The following GAS2L2 variants were observed in gnomAD, a reference collection of about 807,000 sequenced individuals.
GAS2L2 encodes GAS2-like protein 2.
In GAS2L2, 21 loss-of-function variants were observed where a neutral mutation model predicts 35.2. The observed-to-expected ratio is 0.60, with a 90% confidence interval of 0.42 to 0.86. The LOEUF is 0.86. Ranked by LOEUF, GAS2L2 falls within the 40% of genes least tolerant of loss-of-function variation. The pLI is 0.00. For synonymous variants in GAS2L2, 490 were observed against 473.2 expected (o/e 1.04, Z -0.46); for missense variants, 1,169 against 1,144.4 (o/e 1.02, Z -0.31).
Position 35,744,817 on chromosome 17 carries a change from C to CT in GAS2L2, c.*36dup, listed in dbSNP as rs1334963446. The CT allele has an allele frequency of 1.9e-5, 28 of 1,474,440 alleles. No individual in the cohort carries two copies. The highest frequency in any genetic ancestry group is 2.5e-5 in the Non-Finnish European group (27 of 1,086,194). 91.3% of individuals were successfully genotyped at this position (1,474,440 alleles called of 1,614,324 possible). ...TGAATCCAGTGTATACATGGCCATC[C>CT]TTTTTGCTTCCCTCCTACCCAACAC... On this transcript the variant is annotated 3_prime_UTR_variant, in exon 6 of 6. Transcript: ENST00000604641.
chr17:35,746,869 G>T, intron 5 of GAS2L2, 147 bp downstream of exon 5: 1 of 734,648 alleles, frequency 1.4e-6, no homozygotes, highest in Non-Finnish European at 2.2e-6. Context: ...TATCCCAAAG[G>T]TACTGGGTAT....
chr17:35,750,331 C>A lies in GAS2L2; in HGVS notation c.386-13G>T. On this transcript the variant is annotated splice_polypyrimidine_tract_variant and intron_variant, in intron 1 of 5. Transcript: ENST00000604641. ...AACATCAGCACCTCTGGAGTGGAGG[C>A]GGGGAGAAAAGGGCAGAGGCAGCGT... 6.2e-7 allele frequency: 1 copy of A among 1,613,766 alleles called. No individual in the cohort carries two copies. Among genetic ancestry groups the A allele is most frequent in the East Asian group, 2.2e-5 (1 of 44,848 alleles).
At position 35,749,839 on chromosome 17, in the gene GAS2L2, C is replaced by T. The variant is rs994789437; in HGVS notation, c.627+238G>A. Among the ~76,000 whole-genome samples the T allele has an allele frequency of 2.0e-5, 3 of 152,296 alleles. No individual in the cohort carries two copies. In the South Asian group the frequency reaches 6.2e-4, roughly 32 times the overall value. On this transcript the variant is annotated intron_variant, in intron 2 of 5. Transcript: ENST00000604641. ...CCCAGCAGGGGTTAAATGAGAGGGG[C>T]ATCCAGTGCTGGGTTGGTAAGAACG... is the stretch of plus-strand genomic sequence containing the variant.
intron 2 of GAS2L2, 109 bp from the exon 3 acceptor site, chr17:35,749,326 G>A: frequency 1.5e-6 from 1 of 654,190 alleles, no homozygotes; most frequent in Admixed American, 2.8e-5. Context: ...GGTCAGAGCT[G>A]GGGAATGAGA....
At chr17:35,750,595 G>T (rs1555599668) in intron 1 of GAS2L2, among the ~76,000 whole-genome samples, 1 of 152,198 alleles carries the variant, frequency 6.6e-6, no homozygotes, top group Non-Finnish European at 1.5e-5. Context: ...AAGGGACCTG[G>T]AGACTGGCTG....
At chr17:35,746,944 T>C (rs192263451) in intron 5 of GAS2L2, 72 bp downstream of exon 5, 389 of 1,440,272 alleles carry the variant, frequency 2.7e-4, no homozygotes, top group Admixed American at 1.3e-3. Flanking sequence ...TCCTTTTATC[T>C]TGGAGTGTGG....
Position 35,747,162 on chromosome 17 carries a change from G to C in GAS2L2, c.939C>G (p.Arg313=). 2 of 1,614,068 alleles carry C rather than the reference G, an allele frequency of 1.2e-6. No individual in the cohort carries two copies. Among genetic ancestry groups the C allele is most frequent in the African/African-American group, 2.7e-5 (2 of 75,060 alleles). Residue 313 remains arginine (R), a synonymous_variant, in exon 5 of 6, where the codon CGC becomes CGG. Coordinates refer to ENST00000604641, the MANE Select transcript of GAS2L2 (RefSeq NM_139285.4). The part of the protein sequence containing the change: ...SQTQPTMTIS[R]SQSPPPPVDW... ...CCACAGGGGGTGGTGGGCTCTGTGA[G>C]CGGCTGATGGTCATTGTAGGCTGGG...
At chr17:35,747,291 A>G (rs1400646099) in intron 4 of GAS2L2, 23 bp from the exon 5 acceptor site, 1 of 1,589,516 alleles carries the variant, frequency 6.3e-7, no homozygotes. Flanking sequence ...CCCCGGAGAA[A>G]GGAGAGGAGA....
rs781903482 is a variant in GAS2L2, at chr17:35,745,881, C to T, written c.1616G>A (p.Arg539Lys). The change falls in exon 6 of 6, where the codon AGG (arginine) becomes AAG (lysine). Residue 539 changes from arginine to lysine, a missense_variant. Arg to Lys is a conservative substitution (Grantham distance 26). Transcript: ENST00000604641. ...TELGRDPIPL[R>K]AVTVDLAGST... ...CCCAGCCAGGTCCACAGTGACGGCC[C>T]TTAGTGGGATGGGGTCTCTCCCAAG... 27 of 1,613,516 alleles carry T rather than the reference C, an allele frequency of 1.7e-5. No individual in the cohort carries two copies. In the Admixed American group the frequency reaches 4.3e-4, roughly 26 times the overall value.
chr17:35,750,857 C>A (rs78010526), intron 1 of GAS2L2, among the ~76,000 whole-genome samples: 3,237 of 152,264 alleles, frequency 0.021, 72 homozygotes, highest in East Asian at 0.12. Flanking sequence ...TTGAGCTAGA[C>A]CCTGAGCCTC....
At chr17:35,750,565 G>C (rs1555599664) in intron 1 of GAS2L2, among the ~76,000 whole-genome samples, 1 of 152,206 alleles carries the variant, frequency 6.6e-6, no homozygotes, top group Non-Finnish European at 1.5e-5. Context: ...CTGCGGGTGA[G>C]AAGAGGTGAC....
chr17:35,748,404 A>G (rs980102530), intron 3 of GAS2L2, among the ~76,000 whole-genome samples: 4 of 152,180 alleles, frequency 2.6e-5, no homozygotes, highest in African/African-American at 4.8e-5. Flanking sequence ...TCTTGCCCCT[A>G]TCTGCATCAC....
chr17:35,751,244 C>T (rs1374649266), intron 1 of GAS2L2, among the ~76,000 whole-genome samples: 1 of 152,170 alleles, frequency 6.6e-6, no homozygotes, highest in African/African-American at 2.4e-5. Context: ...ATGTTCTCTC[C>T]TCATCCTAGC....
intron 1 of GAS2L2, among the ~76,000 whole-genome samples, chr17:35,750,957 T>C (rs782750218): frequency 6.6e-6 from 1 of 152,020 alleles, no homozygotes; most frequent in Non-Finnish European, 1.5e-5. Context: ...CCATTCACAA[T>C]GTCCGGCACA....
At position 35,745,348 on chromosome 17, in the gene GAS2L2, T is replaced by C; in HGVS notation, c.2149A>G (p.Arg717Gly). The change falls in exon 6 of 6, where the codon AGG (arginine) becomes GGG (glycine). Residue 717 changes from arginine to glycine, a missense_variant. Around this residue, in one of 3 missense-constraint regions of GAS2L2, gnomAD observed 1,035 missense variants for 976.5 expected, o/e 1.06. Coordinates refer to ENST00000604641, the MANE Select transcript of GAS2L2 (RefSeq NM_139285.4). ...TGCCCTCCCTGAGGTGGGACCTTCC[T>C]CATGTGGGTGCCCTTGGCACTCAGG... ...ASLSAKGTHM[R>G]KVPPQGGQDC... 6.2e-7 allele frequency: 1 copy of C among 1,605,530 alleles called. No individual in the cohort carries two copies. Among genetic ancestry groups the C allele is most frequent in the Non-Finnish European group, 8.5e-7 (1 of 1,175,052 alleles).
Position 35,745,368 on chromosome 17 carries a change from C to T in GAS2L2, c.2129G>A (p.Ser710Asn). 6.3e-7 allele frequency: 1 copy of T among 1,595,664 alleles called. No individual in the cohort carries two copies. The highest frequency in any genetic ancestry group is 8.5e-7 in the Non-Finnish European group (1 of 1,169,918). The stretch of plus-strand genomic sequence containing the variant: ...CTTCCTCATGTGGGTGCCCTTGGCA[C>T]TCAGGCTTGCCTTTGTCCTGGGCCC... ...QSGPRTKASL[S>N]AKGTHMRKVP... Residue 710 changes from serine to asparagine, a missense_variant, in exon 6 of 6, where the codon AGT (serine) becomes AAT (asparagine). Ser to Asn is a conservative substitution (Grantham distance 46). Around this residue, in one of 3 missense-constraint regions of GAS2L2, gnomAD observed 1,035 missense variants for 976.5 expected, o/e 1.06. Coordinates refer to ENST00000604641, the MANE Select transcript of GAS2L2 (RefSeq NM_139285.4).
Position 35,752,760 on chromosome 17 carries a change from G to A in GAS2L2, c.91C>T (p.Leu31=), listed in dbSNP as rs2085711973. ...IRPFKSSEQY[L]EAMKEDLAEW... ...GCCAGGTCTTCCTTCATGGCCTCCAGGTACTGCTCACTCGACTTGAAAGGC... is the reference window on the plus strand; with the variant it reads ...GCCAGGTCTTCCTTCATGGCCTCCAAGTACTGCTCACTCGACTTGAAAGGC... The change falls in exon 1 of 6, where the codon CTG becomes TTG. Residue 31 remains leucine, a synonymous_variant. Coordinates refer to ENST00000604641, the MANE Select transcript of GAS2L2 (RefSeq NM_139285.4). 4.3e-6 allele frequency: 7 copies of A among 1,613,912 alleles called. No individual in the cohort carries two copies. Among genetic ancestry groups the A allele is most frequent in the Non-Finnish European group, 5.9e-6 (7 of 1,180,030 alleles).
At position 35,745,854 on chromosome 17, in the gene GAS2L2, G is replaced by T. The variant is rs1555598854; in HGVS notation, c.1643C>A (p.Ser548Tyr). 1 of 1,613,710 alleles carries T rather than the reference G, an allele frequency of 6.2e-7. No individual in the cohort carries two copies. Among genetic ancestry groups the T allele is most frequent in the East Asian group, 2.2e-5 (1 of 44,890 alleles). Residue 548 changes from serine (S) to tyrosine (Y), a missense_variant, in exon 6 of 6, where the codon TCC becomes TAC. Physicochemically the swap from Ser to Tyr is moderately radical, Grantham distance 144 (BLOSUM62 -2). This residue lies in a region of GAS2L2 where 1,035 missense variants were observed against 976.5 expected (regional missense o/e 1.06). Transcript: ENST00000604641. ...LRAVTVDLAG[S>Y]THGDCSVEVR... is the part of the protein sequence containing the mutation. ...TTCCACAGAGCAGTCCCCATGCGTGGACCCAGCCAGGTCCACAGTGACGGC... is the reference window on the plus strand; with the variant it reads ...TTCCACAGAGCAGTCCCCATGCGTGTACCCAGCCAGGTCCACAGTGACGGC...
chr17:35,750,145 G>T lies in GAS2L2; in HGVS notation c.559C>A (p.Pro187Thr), dbSNP rs150421836. ...GGCGCTGGCGGCGAGGGGTCGGGCGGGGGCAGGGCCAGCTCCCGCCGCACC... is the reference window on the plus strand; with the variant it reads ...GGCGCTGGCGGCGAGGGGTCGGGCGTGGGCAGGGCCAGCTCCCGCCGCACC... ...EEVRRELALP[P>T]PDPSPPAPPR... The change falls in exon 2 of 6, where the codon CCG (proline) becomes ACG (threonine). Residue 187 changes from proline (P) to threonine (T), a missense_variant. Physicochemically the swap from Pro to Thr is conservative, Grantham distance 38. Around this residue, in one of 3 missense-constraint regions of GAS2L2, gnomAD observed 1,035 missense variants for 976.5 expected, o/e 1.06. Coordinates refer to ENST00000604641, the MANE Select transcript of GAS2L2 (RefSeq NM_139285.4). 4.5e-5 allele frequency: 73 copies of T among 1,607,578 alleles called. No homozygotes were observed. Among genetic ancestry groups the T allele is most frequent in the Non-Finnish European group, 5.9e-5 (70 of 1,177,852 alleles).
Sources: gnomAD v4.1 joint callset for allele counts (sites outside exome capture counted in the v4.1 genomes callset) on GRCh38, gnomAD v4.1.1 for gene constraint, gnomAD v4.1.1 regional missense constraint, MANE v1.5 for transcripts, NCBI Gene and HGNC (gene_info 2026-07-23, HGNC 2026-07-21) for gene names.